Variants in CPEB1 observed in about 807,000 individuals in gnomAD.
CPEB1 encodes cytoplasmic polyadenylation element binding protein 1, also known as cytoplasmic polyadenylation element-binding protein 1.
In CPEB1, 7 loss-of-function variants were observed where a neutral mutation model predicts 65.8. The observed-to-expected ratio is 0.11, with a 90% CI of 0.06 to 0.20. CPEB1 has a LOEUF of 0.20. CPEB1 is among the 10% of genes least tolerant of loss of function. The pLI is 1.00. For synonymous variants in CPEB1, 262 were observed against 260.0 expected, an observed-to-expected ratio of 1.01 and a Z score of -0.08; for missense variants, 551 against 712.2, an observed-to-expected ratio of 0.77 and a Z score of 2.58.
At chr15:82,565,466 G>A (rs535661823) in intron 4 of CPEB1, among the ~76,000 whole-genome samples, 2 of 152,306 alleles carry the variant, frequency 1.3e-5, no homozygotes, top group South Asian at 2.1e-4. Context: ...AATAGCTAGC[G>A]TTAGACTGTT....
intron 3 of CPEB1, 54 bp from the exon 4 acceptor site, chr15:82,571,586 A>G: frequency 8.3e-6 from 13 of 1,562,398 alleles, no homozygotes; most frequent in Non-Finnish European, 1.1e-5. Flanking sequence ...TGTTTTCCCC[A>G]ATATTATCAA....
chr15:82,605,481 CT>C (rs2043489858), intron 3 of CPEB1, among the ~76,000 whole-genome samples: 1 of 151,922 alleles, frequency 6.6e-6, no homozygotes, highest in Admixed American at 6.6e-5. Flanking sequence ...ATGACGGTAA[CT>C]ATAGTTGTAT....
intron 1 of CPEB1, chr15:82,629,080 A>C (rs1372401428): frequency 5.7e-6 from 1 of 173,940 alleles, no homozygotes; most frequent in African/African-American, 2.4e-5. Flanking sequence ...ACTGTACATT[A>C]AAGGTGAACT....
chr15:82,599,608 T>C (rs2042937522), intron 3 of CPEB1, among the ~76,000 whole-genome samples: 1 of 152,186 alleles, frequency 6.6e-6, no homozygotes, highest in South Asian at 2.1e-4. Context: ...AAGTCATTTT[T>C]AGTCTATGAT....
At chr15:82,566,339 C>G (rs539845421) in intron 4 of CPEB1, among the ~76,000 whole-genome samples, 1 of 152,338 alleles carries the variant, frequency 6.6e-6, no homozygotes, top group African/African-American at 2.4e-5. Flanking sequence ...GCCATTATTT[C>G]TAGCCTGTGA....
In CPEB1 at chr15:82,552,567, A is replaced by C. The variant is rs1361222996; in HGVS notation, c.1194T>G (p.Leu398=). Residue 398 remains leucine (L), a synonymous_variant, in exon 9 of 13, where the codon CTT becomes CTG. Transcript: ENST00000684509. The stretch of plus-strand genomic sequence containing the variant: ...TCAGCGGGTCATGAGAGCAAGCCTG[A>C]AGCAAGGATCGGACAGACTTCTCTA... ...FELEKSVRSL[L]QACSHDPLSP... 6.2e-7 allele frequency: 1 copy of C among 1,613,844 alleles called. No individual in the cohort carries two copies.
intron 4 of CPEB1, among the ~76,000 whole-genome samples, chr15:82,570,639 T>C (rs2039880635): frequency 6.6e-6 from 1 of 151,654 alleles, no homozygotes; most frequent in Non-Finnish European, 1.5e-5. Flanking sequence ...CTTTAGTTTG[T>C]CCCCACTGAA....
chr15:82,614,626 C>G (rs962208081), intron 3 of CPEB1, among the ~76,000 whole-genome samples: 10 of 151,944 alleles, frequency 6.6e-5, no homozygotes, highest in African/African-American at 2.2e-4. Flanking sequence ...AGCTTAGGCA[C>G]CCAGTTTGAG....
At chr15:82,630,532 G>T (rs565800240) in intron 1 of CPEB1, among the ~76,000 whole-genome samples, 14 of 152,176 alleles carry the variant, frequency 9.2e-5, no homozygotes, top group Admixed American at 8.5e-4. Context: ...CTTGAACCCA[G>T]GAGGCAGAGG....
intron 5 of CPEB1, among the ~76,000 whole-genome samples, chr15:82,556,970 C>T (rs911570620): frequency 1.3e-5 from 2 of 152,204 alleles, no homozygotes; most frequent in African/African-American, 4.8e-5. Context: ...ATTCTATTCA[C>T]TGCACATTCA....
chr15:82,570,246 G>A (rs546053610), intron 4 of CPEB1, among the ~76,000 whole-genome samples: 1 of 152,260 alleles, frequency 6.6e-6, no homozygotes, highest in Non-Finnish European at 1.5e-5. Flanking sequence ...GCCAAACAGG[G>A]TGGAGGCCAC....
upstream of CPEB1, chr15:82,647,875 C>T (rs1343032255): frequency 1.6e-6 from 2 of 1,256,534 alleles, no homozygotes; most frequent in Admixed American, 4.2e-5. Context: ...CGCCATGGGG[C>T]CGGTGTGGCC....
chr15:82,602,036 A>G (rs553181030), intron 3 of CPEB1, among the ~76,000 whole-genome samples: 94 of 152,356 alleles, frequency 6.2e-4, no homozygotes, highest in African/African-American at 2.2e-3. Flanking sequence ...AGAACACTGC[A>G]TCCAACATCT....
intron 1 of CPEB1, among the ~76,000 whole-genome samples, chr15:82,644,035 G>C (rs1026384217): frequency 6.6e-6 from 1 of 152,166 alleles, no homozygotes; most frequent in Non-Finnish European, 1.5e-5. Context: ...CTTTTGTGCA[G>C]AGGGTTGGGA....
rs189901571 is a variant in CPEB1 at position 82,594,602 on chromosome 15, T to A, written c.272-23070A>T. On this transcript the variant is annotated intron_variant, in intron 3 of 12. Coordinates refer to ENST00000684509, the MANE Select transcript of CPEB1 (RefSeq NM_001365242.1). ...TCTTGCTTTCTTATCATTCATGTGC[T>A]TACCTGAGTAGCCCTTTTAGTTTAC... Among the ~76,000 whole-genome samples the A allele has an allele frequency of 2.0e-5, 3 of 152,356 alleles. No homozygotes were observed. The East Asian group carries it at 5.8e-4, about 29-fold the overall frequency.
At chr15:82,618,634 T>C (rs760537290) in intron 3 of CPEB1, among the ~76,000 whole-genome samples, 3 of 152,088 alleles carry the variant, frequency 2.0e-5, no homozygotes, top group Non-Finnish European at 4.4e-5. Context: ...ACCTGAAATA[T>C]CTACTTCTGG....
chr15:82,614,656 A>G (rs2044516248), intron 3 of CPEB1, among the ~76,000 whole-genome samples: 1 of 151,914 alleles, frequency 6.6e-6, no homozygotes, highest in Admixed American at 6.6e-5. Flanking sequence ...TCATTAAGCA[A>G]TTGTATAATG....
At chr15:82,618,129 G>T (rs1379541809) in intron 3 of CPEB1, among the ~76,000 whole-genome samples, 2 of 151,466 alleles carry the variant, frequency 1.3e-5, no homozygotes, top group East Asian at 1.9e-4. Context: ...GGGTCTTATG[G>T]TAGGTAAACA....
chr15:82,645,773 C>A (rs1035774820), intron 1 of CPEB1, among the ~76,000 whole-genome samples: 1 of 152,026 alleles, frequency 6.6e-6, no homozygotes, highest in Non-Finnish European at 1.5e-5. Flanking sequence ...GAGGCTGAGG[C>A]AGGAGAATCG....
Sources: allele counts gnomAD v4.1 joint callset (sites outside exome capture counted in the v4.1 genomes callset), GRCh38; gene constraint gnomAD v4.1.1; transcripts MANE v1.5; gene names NCBI Gene and HGNC (gene_info 2026-07-23, HGNC 2026-07-21).